Variants in C11orf58 observed in about 807,000 individuals in gnomAD.
C11orf58 encodes the protein chromosome 11 open reading frame 58, also known as small acidic protein.
In C11orf58, 5 loss-of-function variants were observed where a neutral mutation model predicts 22.7. That is an observed-to-expected ratio of 0.22 (90% CI 0.12 to 0.46). C11orf58 has a LOEUF of 0.46. C11orf58 is among the 20% of genes least tolerant of loss of function. The pLI is 0.99. For missense variants in C11orf58, 151 were observed against 223.3 expected, an observed-to-expected ratio of 0.68 and a Z score of 2.06; for synonymous variants, 71 against 70.7, an observed-to-expected ratio of 1.00 and a Z score of -0.02.
intron 4 of C11orf58, chr11:16,753,850 C>T: frequency 2.1e-6 from 1 of 468,776 alleles, no homozygotes; most frequent in Non-Finnish European, 3.8e-6. Flanking sequence ...AGGCCTGCAC[C>T]ACCATGCCTA....
chr11:16,748,147 C>T lies in C11orf58; in HGVS notation c.198C>T (p.His66=). The T allele has an allele frequency of 1.9e-6, 3 of 1,612,124 alleles. No homozygotes were observed. The highest frequency in any genetic ancestry group is 1.7e-6 in the Non-Finnish European group (2 of 1,178,360). The change falls in exon 3 of 5, where the codon CAC becomes CAT. Residue 66 remains histidine (H), a synonymous_variant. Coordinates refer to ENST00000228136, the MANE Select transcript of C11orf58 (RefSeq NM_014267.6). ...TAGGAGATCACAAATCAACATCTCA[C>T]TTCCGAACCGGTAAGAAAGTAAAGT... The part of the protein sequence containing the change: ...LVIGDHKSTS[H]FRTGEEDKKI...
At chr11:16,743,635 C>T (rs1233813505) in intron 1 of C11orf58, among the ~76,000 whole-genome samples, 15 of 152,068 alleles carry the variant, frequency 9.9e-5, no homozygotes, top group Admixed American at 9.8e-4. Context: ...GAATTCCCAT[C>T]GGTGTTCAGT....
intron 4 of C11orf58, among the ~76,000 whole-genome samples, chr11:16,754,547 CTTTTT>C (rs573626223): frequency 2.5e-4 from 8 of 31,482 alleles, no homozygotes; most frequent in African/African-American, 6.6e-4. Flanking sequence ...CTCTCTCTCC[CTTTTT>C]TTTTTTTTTT....
At chr11:16,753,843 C>A (rs1254944362) in intron 4 of C11orf58, 1 of 456,800 alleles carries the variant, frequency 2.2e-6, no homozygotes, top group Non-Finnish European at 3.9e-6. Context: ...GGGATATAGG[C>A]CTGCACCACC....
chr11:16,746,094 T>C (rs956209401), intron 2 of C11orf58, among the ~76,000 whole-genome samples: 1 of 152,238 alleles, frequency 6.6e-6, no homozygotes, highest in Non-Finnish European at 1.5e-5. Flanking sequence ...CACATAGTGC[T>C]GTGGAATCAC....
At chr11:16,740,343 AGAC>A (rs951486121) in intron 1 of C11orf58, among the ~76,000 whole-genome samples, 2 of 152,234 alleles carry the variant, frequency 1.3e-5, no homozygotes, top group African/African-American at 4.8e-5. Flanking sequence ...GGTTTAAACT[AGAC>A]GACCTTGAAG....
chr11:16,744,552 A>T, intron 1 of C11orf58, 49 bp from the exon 2 acceptor site: 1 of 1,470,622 alleles, frequency 6.8e-7, no homozygotes, highest in East Asian at 2.3e-5. Flanking sequence ...AGATTTCGTA[A>T]TACTTATTTT....
At chr11:16,741,240 TTAAA>T (rs1322075947) in intron 1 of C11orf58, among the ~76,000 whole-genome samples, 1 of 152,124 alleles carries the variant, frequency 6.6e-6, no homozygotes, top group Non-Finnish European at 1.5e-5. Flanking sequence ...TTTTTTACTA[TTAAA>T]AGTAGATACT....
chr11:16,745,307 G>A (rs1229255503), intron 2 of C11orf58, among the ~76,000 whole-genome samples: 2 of 152,134 alleles, frequency 1.3e-5, no homozygotes, highest in African/African-American at 4.8e-5. Context: ...CAATGTGGGG[G>A]TTAGGGGTGC....
rs1007000576 is a variant in C11orf58, at chr11:16,758,016, A to G, written c.*2912A>G. 3.3e-5 allele frequency among the ~76,000 whole-genome samples: 5 copies of G among 152,086 alleles called. No homozygotes were observed. Among genetic ancestry groups the G allele is most frequent in the African/African-American group, 1.2e-4 (5 of 41,370 alleles). ...TACTTACACACAGGGCTTTGGTTCCATTACTTGTTTCCACCACAGCCACAT... is the reference window on the plus strand; with the variant it reads ...TACTTACACACAGGGCTTTGGTTCCGTTACTTGTTTCCACCACAGCCACAT... On this transcript the variant is annotated 3_prime_UTR_variant, in exon 5 of 5. Transcript: ENST00000228136.
intron 4 of C11orf58, 67 bp from the exon 5 acceptor site, chr11:16,754,804 C>T (rs542204502): frequency 7.6e-6 from 12 of 1,582,258 alleles, no homozygotes; most frequent in South Asian, 4.7e-5. Flanking sequence ...ACAGAACTTA[C>T]GGTCTTTCTC....
At position 16,758,189 on chromosome 11, in the gene C11orf58, T is replaced by A. The variant is rs1203055154; in HGVS notation, c.*3085T>A. On this transcript the variant is annotated 3_prime_UTR_variant, in exon 5 of 5. Coordinates refer to ENST00000228136, the MANE Select transcript of C11orf58 (RefSeq NM_014267.6). ...TAAGTCCTATCTAGGCTTCCTGATC[T>A]ATCAATTCAGTATCATGATTGTTAA... is the stretch of plus-strand genomic sequence containing the variant. Among the ~76,000 whole-genome samples the A allele has an allele frequency of 6.6e-6, 1 of 152,090 alleles. No individual in the cohort carries two copies. The highest frequency in any genetic ancestry group is 1.5e-5 in the Non-Finnish European group (1 of 68,038).
rs996805536 is a variant in C11orf58 at position 16,758,172 on chromosome 11, A to G, written c.*3068A>G. On this transcript the variant is annotated 3_prime_UTR_variant, in exon 5 of 5. Coordinates refer to ENST00000228136, the MANE Select transcript of C11orf58 (RefSeq NM_014267.6). Reference sequence around the variant, plus strand: ...GTCTGTTTCCACCTCTGTAAGTCCTATCTAGGCTTCCTGATCTATCAATTC... The same window carrying G: ...GTCTGTTTCCACCTCTGTAAGTCCTGTCTAGGCTTCCTGATCTATCAATTC... Among the ~76,000 whole-genome samples, 2 of 152,048 alleles carry G rather than the reference A, an allele frequency of 1.3e-5. No homozygotes were observed. Among genetic ancestry groups the G allele is most frequent in the Non-Finnish European group, 2.9e-5 (2 of 68,042 alleles).
intron 2 of C11orf58, 139 bp downstream of exon 2, chr11:16,744,823 T>C: frequency 1.4e-6 from 1 of 725,986 alleles, no homozygotes; most frequent in Non-Finnish European, 2.2e-6. Flanking sequence ...GGGAAATACA[T>C]GTGGCCTAAC....
chr11:16,753,832 T>C, intron 4 of C11orf58: 1 of 421,814 alleles, frequency 2.4e-6, no homozygotes, highest in Admixed American at 4.1e-5. Context: ...CCTGAGGACC[T>C]GGGATATAGG....
chr11:16,748,573 T>TA (rs10690437), intron 3 of C11orf58: 10,813 of 107,310 alleles, frequency 0.1, 738 homozygotes, highest in African/African-American at 0.19. Flanking sequence ...GTGTCTCTAC[T>TA]AAAAAAAAAA....
chr11:16,755,118 A>T lies in C11orf58; in HGVS notation c.*14A>T. On this transcript the variant is annotated 3_prime_UTR_variant, in exon 5 of 5. Transcript: ENST00000228136. ...AGTGGTTCATAACTCCCAAACGCTT[A>T]GTCTTTGTATTAAAAGTAAGCCTTA... is the stretch of plus-strand genomic sequence containing the variant. The T allele has an allele frequency of 6.2e-7, 1 of 1,612,370 alleles. No individual in the cohort carries two copies. Among genetic ancestry groups the T allele is most frequent in the Non-Finnish European group, 8.5e-7 (1 of 1,179,404 alleles).
chr11:16,757,485 T>G lies in C11orf58; in HGVS notation c.*2381T>G, dbSNP rs1054451993. On this transcript the variant is annotated 3_prime_UTR_variant, in exon 5 of 5. Transcript: ENST00000228136. ...GTTAGAGTAAATTTAGGTCTGTTGG[T>G]CCATGTGGCCTGGTTTCCTAGCACC... Among the ~76,000 whole-genome samples the G allele has an allele frequency of 1.3e-5, 2 of 152,232 alleles. No homozygotes were observed. The highest frequency in any genetic ancestry group is 4.8e-5 in the African/African-American group (2 of 41,464).
chr11:16,749,782 A>T (rs1848516872), intron 3 of C11orf58: 1 of 152,284 alleles, frequency 6.6e-6, no homozygotes, highest in Admixed American at 6.5e-5. Flanking sequence ...TAACATTAGC[A>T]GAGAGGCTTG....
Sources: allele counts gnomAD v4.1 joint callset (sites outside exome capture counted in the v4.1 genomes callset), GRCh38; gene constraint gnomAD v4.1.1; transcripts MANE v1.5; gene names NCBI Gene and HGNC (gene_info 2026-07-23, HGNC 2026-07-21).